Variants in HLA-E observed in about 807,000 individuals in gnomAD.
HLA-E encodes the protein major histocompatibility complex, class I, E.
A neutral mutation model predicts 43.4 loss-of-function variants in HLA-E; 25 were observed. The observed-to-expected ratio is 0.58, with a 90% CI of 0.42 to 0.80. The LOEUF is 0.80. HLA-E is among the 30% of genes least tolerant of loss of function. HLA-E has a pLI of 0.00. For missense variants in HLA-E, 343 were observed against 470.0 expected (o/e 0.73, Z 2.50); for synonymous variants, 161 against 197.6 (o/e 0.81, Z 1.55).
rs756645953 is a variant in HLA-E, at chr6:30,491,257, G to A, written c.731G>A (p.Gly244Asp). The A allele has an allele frequency of 4.3e-6, 7 of 1,614,034 alleles. No homozygotes were observed. The highest frequency in any genetic ancestry group is 5.9e-6 in the Non-Finnish European group (7 of 1,179,948). Residue 244 changes from glycine to aspartate, a missense_variant, in exon 4 of 8, where the codon GGC (glycine) becomes GAC (aspartate). By Grantham distance (94) the Gly-to-Asp change is moderately conservative. This residue lies in a region of HLA-E where 190 missense variants were observed against 283.6 expected (regional missense o/e 0.67). Transcript: ENST00000376630. This position sits in a 1 kb window ranked among gnomAD's most constrained non-coding sequence, Gnocchi z 5.4. ...CTGACCTGGCAGCAGGATGGGGAGGGCCATACCCAGGACACGGAGCTCGTG... is the reference window on the plus strand; with the variant it reads ...CTGACCTGGCAGCAGGATGGGGAGGACCATACCCAGGACACGGAGCTCGTG... ...ITLTWQQDGE[G>D]HTQDTELVET...
Position 30,492,833 on chromosome 6 carries a change from A to ATGTGTCTTAGGGGACTC in HLA-E, c.*90_*106dup. 1.6e-6 allele frequency: 1 copy of ATGTGTCTTAGGGGACTC among 642,784 alleles called. No individual in the cohort carries two copies. The highest frequency in any genetic ancestry group is 2.6e-5 in the East Asian group (1 of 38,710). The allele number at this position is 642,784 out of a possible 1,614,324, so 39.8% of individuals were successfully genotyped here. On this transcript the variant is annotated 3_prime_UTR_variant, in exon 8 of 8. Coordinates refer to ENST00000376630, the MANE Select transcript of HLA-E (RefSeq NM_005516.6). The surrounding 1 kb of genome is among the most constrained non-coding windows in gnomAD (Gnocchi z 4.5). ...TGCAGGATTTCCTCACGCCTCCCCT[A>ATGTGTCTTAGGGGACTC]TGTGTCTTAGGGGACTCTGGCTTCT...
chr6:30,492,584 G>A lies in HLA-E; in HGVS notation c.*2+1G>A. On this transcript the variant is annotated splice_donor_variant, in intron 7 of 7. Coordinates refer to ENST00000376630, the MANE Select transcript of HLA-E (RefSeq NM_005516.6). LOFTEE classifies it low-confidence loss of function (3UTR_SPLICE). The surrounding 1 kb of genome is among the most constrained non-coding windows in gnomAD (Gnocchi z 4.5). ...GGTCTGAGTCTCACAGCTTGTAAAG[G>A]TGAGATTCTGGGGGTCTGAAGTGGG... is the stretch of plus-strand genomic sequence containing the variant. The A allele has an allele frequency of 6.2e-7, 1 of 1,614,014 alleles. No individual in the cohort carries two copies. Among genetic ancestry groups the A allele is most frequent in the African/African-American group, 1.3e-5 (1 of 75,030 alleles).
Position 30,492,336 on chromosome 6 carries a change from G to C in HLA-E, c.1004-68G>C. Reference sequence around the variant, plus strand: ...AAACTTCTCTGGGATCCAAAACTAGGAGGTTCCTCTAGGACCTTATGGCCC... The same window carrying C: ...AAACTTCTCTGGGATCCAAAACTAGCAGGTTCCTCTAGGACCTTATGGCCC... On this transcript the variant is annotated intron_variant, in intron 5 of 7. Coordinates refer to ENST00000376630, the MANE Select transcript of HLA-E (RefSeq NM_005516.6). The surrounding 1 kb of genome is among the most constrained non-coding windows in gnomAD (Gnocchi z 4.5). 1 of 1,543,458 alleles carries C rather than the reference G, an allele frequency of 6.5e-7. No homozygotes were observed. Among genetic ancestry groups the C allele is most frequent in the Non-Finnish European group, 9.0e-7 (1 of 1,115,608 alleles).
At position 30,490,255 on chromosome 6, in the gene HLA-E, A is replaced by G. The variant is rs761193356; in HGVS notation, c.350A>G (p.Gln117Arg). 6.2e-7 allele frequency: 1 copy of G among 1,612,838 alleles called. No homozygotes were observed. The highest frequency in any genetic ancestry group is 2.2e-5 in the East Asian group (1 of 44,882). The change falls in exon 3 of 8, where the codon CAG becomes CGG. Residue 117 changes from glutamine (Q) to arginine (R), a missense_variant. Physicochemically the swap from Gln to Arg is conservative, Grantham distance 43 (BLOSUM62 1). Transcript: ENST00000376630. This position sits in a 1 kb window ranked among gnomAD's most constrained non-coding sequence, Gnocchi z 6.6. The part of the protein sequence containing the change: ...NQSEAGSHTL[Q>R]WMHGCELGPD... ...GCGGGGCCAGGGTCTCACACCCTGC[A>G]GTGGATGCATGGCTGCGAGCTGGGG... is the stretch of plus-strand genomic sequence containing the variant.
chr6:30,490,066 G>A lies in HLA-E; in HGVS notation c.334+71G>A. 1 of 1,523,460 alleles carries A rather than the reference G, an allele frequency of 6.6e-7. No homozygotes were observed. Among genetic ancestry groups the A allele is most frequent in the South Asian group, 1.2e-5 (1 of 81,828 alleles). 94.4% of individuals were successfully genotyped at this position (1,523,460 alleles called of 1,614,324 possible). On this transcript the variant is annotated intron_variant, in intron 2 of 7. Coordinates refer to ENST00000376630, the MANE Select transcript of HLA-E (RefSeq NM_005516.6). This position sits in a 1 kb window ranked among gnomAD's most constrained non-coding sequence, Gnocchi z 6.6. ...CCCCACGGACGGCGCGGGTCCCCTC[G>A]AATCTTCGGGTCCCAGATTCACCCC...
At position 30,493,041 on chromosome 6, in the gene HLA-E, C is replaced by G. The variant is rs1290847344; in HGVS notation, c.*295C>G. On this transcript the variant is annotated 3_prime_UTR_variant, in exon 8 of 8. Transcript: ENST00000376630. The surrounding 1 kb of genome is among the most constrained non-coding windows in gnomAD (Gnocchi z 5.5). ...GAGTGCGGCAGCTCATGCCTGTAAT[C>G]CCAGCACTTAGGGAGGCCGAGGAGG... 1.3e-4 allele frequency: 22 copies of G among 171,856 alleles called. 1 individual carries two copies. The allele number at this position is 171,856 out of a possible 1,614,324, so 10.6% of individuals were successfully genotyped here.
In HLA-E at chr6:30,492,510, C is replaced by T. The variant is rs1796616837; in HGVS notation, c.1037-31C>T. 6.2e-7 allele frequency: 1 copy of T among 1,614,038 alleles called. No individual in the cohort carries two copies. Among genetic ancestry groups the T allele is most frequent in the Non-Finnish European group, 8.5e-7 (1 of 1,180,028 alleles). On this transcript the variant is annotated intron_variant, in intron 6 of 7. Transcript: ENST00000376630. The surrounding 1 kb of genome is among the most constrained non-coding windows in gnomAD (Gnocchi z 4.5). Reference sequence around the variant, plus strand: ...TCCTGCACCACATCTCCTGTGGGCTCTGACCAGGTCTTGTTTTTGTTCTAC... The same window carrying T: ...TCCTGCACCACATCTCCTGTGGGCTTTGACCAGGTCTTGTTTTTGTTCTAC...
chr6:30,491,683 T>G lies in HLA-E; in HGVS notation c.1003+30T>G. 2 of 1,567,502 alleles carry G rather than the reference T, an allele frequency of 1.3e-6. No individual in the cohort carries two copies. The highest frequency in any genetic ancestry group is 2.2e-5 in the South Asian group (2 of 89,202). On this transcript the variant is annotated intron_variant, in intron 5 of 7. Coordinates refer to ENST00000376630, the MANE Select transcript of HLA-E (RefSeq NM_005516.6). This position sits in a 1 kb window ranked among gnomAD's most constrained non-coding sequence, Gnocchi z 5.4. ...GGAAGGGAGAAGGGTGGGGTCTGAG[T>G]TTTCTTGTCCCACTGGGTGTTTCAA...
In HLA-E at chr6:30,489,801, G is replaced by T. The variant is rs1796409918; in HGVS notation, c.140G>T (p.Gly47Val). 1.2e-6 allele frequency: 2 copies of T among 1,612,892 alleles called. No homozygotes were observed. Among genetic ancestry groups the T allele is most frequent in the Non-Finnish European group, 1.7e-6 (2 of 1,179,996 alleles). ...GGGGAGCCCCGCTTCATCTCTGTGG[G>T]CTACGTGGACGACACCCAGTTCGTG... ...GRGEPRFISV[G>V]YVDDTQFVRF... Residue 47 changes from glycine to valine, a missense_variant, in exon 2 of 8, where the codon GGC becomes GTC. This residue lies in a region of HLA-E where 94 missense variants were observed against 144.4 expected (regional missense o/e 0.65). Transcript: ENST00000376630. This position sits in a 1 kb window ranked among gnomAD's most constrained non-coding sequence, Gnocchi z 5.6.
At position 30,491,679 on chromosome 6, in the gene HLA-E, T is replaced by C. The variant is rs778660599; in HGVS notation, c.1003+26T>C. The C allele has an allele frequency of 6.4e-7, 1 of 1,569,598 alleles. No individual in the cohort carries two copies. Among genetic ancestry groups the C allele is most frequent in the Non-Finnish European group, 8.7e-7 (1 of 1,145,716 alleles). On this transcript the variant is annotated intron_variant, in intron 5 of 7. Coordinates refer to ENST00000376630, the MANE Select transcript of HLA-E (RefSeq NM_005516.6). This position sits in a 1 kb window ranked among gnomAD's most constrained non-coding sequence, Gnocchi z 5.4. ...GTGGGGAAGGGAGAAGGGTGGGGTC[T>C]GAGTTTTCTTGTCCCACTGGGTGTT...
In HLA-E at chr6:30,491,240, G is replaced by A; in HGVS notation, c.714G>A (p.Trp238Ter). 1 of 1,614,090 alleles carries A rather than the reference G, an allele frequency of 6.2e-7. No homozygotes were observed. Among genetic ancestry groups the A allele is most frequent in the Non-Finnish European group, 8.5e-7 (1 of 1,179,944 alleles). ...GFYPAEITLTWQQDGEGHTQD... is the reference protein window; with the variant it reads ...GFYPAEITLT Reference sequence around the variant, plus strand: ...ACCCTGCGGAGATCACACTGACCTGGCAGCAGGATGGGGAGGGCCATACCC... The same window carrying A: ...ACCCTGCGGAGATCACACTGACCTGACAGCAGGATGGGGAGGGCCATACCC... The change falls in exon 4 of 8, where the codon TGG (tryptophan) becomes TGA (stop). Residue 238 changes from tryptophan (W) to a stop codon, truncating the protein, a stop_gained. Coordinates refer to ENST00000376630, the MANE Select transcript of HLA-E (RefSeq NM_005516.6). LOFTEE classifies it high-confidence loss of function. This position sits in a 1 kb window ranked among gnomAD's most constrained non-coding sequence, Gnocchi z 5.4.
chr6:30,492,649 AT>A lies in HLA-E; in HGVS notation c.*2+72del, dbSNP rs1397551839. ...GAGGGGACAGGACTGGGTTGTGGGGATTTTTTGATTCAGAATTTTTGAGTGT... is the reference window on the plus strand; with the variant it reads ...GAGGGGACAGGACTGGGTTGTGGGGATTTTTGATTCAGAATTTTTGAGTGT... On this transcript the variant is annotated intron_variant, in intron 7 of 7. Transcript: ENST00000376630. This position sits in a 1 kb window ranked among gnomAD's most constrained non-coding sequence, Gnocchi z 4.5. 55 of 1,514,630 alleles carry A rather than the reference AT, an allele frequency of 3.6e-5. 1 individual carries two copies. The highest frequency in any genetic ancestry group is 2.8e-4 in the Admixed American group (14 of 49,430). 93.8% of individuals were successfully genotyped at this position (1,514,630 alleles called of 1,614,324 possible).
At position 30,492,904 on chromosome 6, in the gene HLA-E, A is replaced by G; in HGVS notation, c.*158A>G. On this transcript the variant is annotated 3_prime_UTR_variant, in exon 8 of 8. Transcript: ENST00000376630. The surrounding 1 kb of genome is among the most constrained non-coding windows in gnomAD (Gnocchi z 4.5). ...ATCTGTCTGTGTCCCTGTTAGCACA[A>G]TGTGAGGAGGTAGAGAAACAGTCCA... 4.1e-6 allele frequency: 2 copies of G among 482,714 alleles called. No homozygotes were observed. The highest frequency in any genetic ancestry group is 3.7e-6 in the Non-Finnish European group (1 of 272,958). 29.9% of individuals were successfully genotyped at this position (482,714 alleles called of 1,614,324 possible).
rs936430318 is a variant in HLA-E, at chr6:30,492,088, A to C, written c.1004-316A>C. On this transcript the variant is annotated intron_variant, in intron 5 of 7. Transcript: ENST00000376630. This position sits in a 1 kb window ranked among gnomAD's most constrained non-coding sequence, Gnocchi z 4.5. Reference sequence around the variant, plus strand: ...AGTGCTGGGATTACAGTCGTGAGCCACCGCACCCAGCCGCACCTACTCTTT... The same window carrying C: ...AGTGCTGGGATTACAGTCGTGAGCCCCCGCACCCAGCCGCACCTACTCTTT... 1.3e-5 allele frequency among the ~76,000 whole-genome samples: 2 copies of C among 152,002 alleles called. No individual in the cohort carries two copies. Among genetic ancestry groups the C allele is most frequent in the African/African-American group, 4.8e-5 (2 of 41,344 alleles).
Position 30,491,778 on chromosome 6 carries a change from T to C in HLA-E, c.1003+125T>C. The C allele has an allele frequency of 1.3e-6, 1 of 762,494 alleles. No homozygotes were observed. Among genetic ancestry groups the C allele is most frequent in the Non-Finnish European group, 2.2e-6 (1 of 464,232 alleles). The allele number at this position is 762,494 out of a possible 1,614,324, so 47.2% of individuals were successfully genotyped here. On this transcript the variant is annotated intron_variant, in intron 5 of 7. Coordinates refer to ENST00000376630, the MANE Select transcript of HLA-E (RefSeq NM_005516.6). This position sits in a 1 kb window ranked among gnomAD's most constrained non-coding sequence, Gnocchi z 5.4. ...TCCACACACACGAGCCTACCCAGCC[T>C]GGGGCCCTGTGTGCCAGCACCTACT...
rs746074733 is a variant in HLA-E, at chr6:30,491,671, G to C, written c.1003+18G>C. On this transcript the variant is annotated intron_variant, in intron 5 of 7. Transcript: ENST00000376630. The surrounding 1 kb of genome is among the most constrained non-coding windows in gnomAD (Gnocchi z 5.4). Reference sequence around the variant, plus strand: ...GAGCTCAGGTGGGGAAGGGAGAAGGGTGGGGTCTGAGTTTTCTTGTCCCAC... The same window carrying C: ...GAGCTCAGGTGGGGAAGGGAGAAGGCTGGGGTCTGAGTTTTCTTGTCCCAC... The C allele has an allele frequency of 6.3e-7, 1 of 1,598,002 alleles. No homozygotes were observed. Among genetic ancestry groups the C allele is most frequent in the Admixed American group, 1.7e-5 (1 of 58,790 alleles).
Position 30,490,109 on chromosome 6 carries a change from C to G in HLA-E, c.334+114C>G. ...TTCACCCCAAGGCTGCGGAACCCGC[C>G]CAGACCCTAGACCGGGGAGAGTCTC... On this transcript the variant is annotated intron_variant, in intron 2 of 7. Transcript: ENST00000376630. The surrounding 1 kb of genome is among the most constrained non-coding windows in gnomAD (Gnocchi z 6.6). 1 of 1,504,408 alleles carries G rather than the reference C, an allele frequency of 6.6e-7. No individual in the cohort carries two copies. Among genetic ancestry groups the G allele is most frequent in the Non-Finnish European group, 9.0e-7 (1 of 1,106,798 alleles). The allele number at this position is 1,504,408 out of a possible 1,614,324, so 93.2% of individuals were successfully genotyped here. A position where few individuals can be genotyped will look rare whatever the true frequency, so the allele number is the denominator to read the frequency against.
chr6:30,490,265 T>C lies in HLA-E; in HGVS notation c.360T>C (p.His120=), dbSNP rs776695661. ...EAGSHTLQWM[H]GCELGPDGRF... ...GGTCTCACACCCTGCAGTGGATGCA[T>C]GGCTGCGAGCTGGGGCCCGACGGGC... The change falls in exon 3 of 8, where the codon CAT becomes CAC. Residue 120 remains histidine, a synonymous_variant. Coordinates refer to ENST00000376630, the MANE Select transcript of HLA-E (RefSeq NM_005516.6). This position sits in a 1 kb window ranked among gnomAD's most constrained non-coding sequence, Gnocchi z 6.6. 13 of 1,612,778 alleles carry C rather than the reference T, an allele frequency of 8.1e-6. No individual in the cohort carries two copies. Among genetic ancestry groups the C allele is most frequent in the South Asian group, 1.1e-5 (1 of 91,092 alleles).
At position 30,489,974 on chromosome 6, in the gene HLA-E, T is replaced by C. The variant is rs544857186; in HGVS notation, c.313T>C (p.Tyr105His). 5.6e-6 allele frequency: 9 copies of C among 1,609,858 alleles called. No homozygotes were observed. Among genetic ancestry groups the C allele is most frequent in the African/African-American group, 4.0e-5 (3 of 74,970 alleles). The change falls in exon 2 of 8, where the codon TAC becomes CAC. Residue 105 changes from tyrosine to histidine, a missense_variant. Tyr to His is a moderately conservative substitution (Grantham distance 83). Coordinates refer to ENST00000376630, the MANE Select transcript of HLA-E (RefSeq NM_005516.6). This position sits in a 1 kb window ranked among gnomAD's most constrained non-coding sequence, Gnocchi z 5.6. ...FRVNLRTLRG[Y>H]YNQSEAGSHT... ...AGTGAATCTGCGGACGCTGCGCGGC[T>C]ACTACAATCAGAGCGAGGCCGGTGA...
Sources: allele counts gnomAD v4.1 joint callset (sites outside exome capture counted in the v4.1 genomes callset), GRCh38; gene constraint gnomAD v4.1.1; regional missense constraint gnomAD v4.1.1; non-coding constraint Gnocchi (gnomAD v3.1); transcripts MANE v1.5; gene names NCBI Gene and HGNC (gene_info 2026-07-23, HGNC 2026-07-21).